The following SNTG1 variants were observed in gnomAD, a reference collection of about 807,000 sequenced individuals.
SNTG1 encodes syntrophin gamma 1.
In SNTG1, 39 loss-of-function variants were observed where a neutral mutation model predicts 74.7. That is an observed-to-expected ratio of 0.52 (90% confidence interval 0.40 to 0.68). The LOEUF is 0.68. Among genes scored for constraint, SNTG1 ranks in the 30% least tolerant of loss-of-function variants. The pLI, the probability that SNTG1 is intolerant of heterozygous loss-of-function variation, is 0.00. For missense variants in SNTG1, 685 were observed against 609.5 expected (o/e 1.12, Z -1.30); for synonymous variants, 254 against 217.1 (o/e 1.17, Z -1.49).
intron 2 of SNTG1, among the ~76,000 whole-genome samples, chr8:50,284,163 G>A (rs906678144): frequency 6.6e-6 from 1 of 151,812 alleles, no homozygotes; most frequent in African/African-American, 2.4e-5. Context: ...TGCTTTTATT[G>A]TTTTATTAGA....
At chr8:50,400,233 A>C (rs2092784952) in intron 3 of SNTG1, among the ~76,000 whole-genome samples, 1 of 152,236 alleles carries the variant, frequency 6.6e-6, no homozygotes, top group African/African-American at 2.4e-5. Flanking sequence ...CTAAGGATAG[A>C]TTTCACATGT....
At chr8:50,432,579 A>T (rs769021620) in intron 4 of SNTG1, among the ~76,000 whole-genome samples, 1 of 152,122 alleles carries the variant, frequency 6.6e-6, no homozygotes, top group Non-Finnish European at 1.5e-5. Context: ...TTGGAATTGC[A>T]TAGATTTTAA....
At chr8:50,554,225 C>T (rs368618468) in intron 12 of SNTG1, among the ~76,000 whole-genome samples, 4 of 152,146 alleles carry the variant, frequency 2.6e-5, no homozygotes, top group Admixed American at 6.5e-5. Flanking sequence ...TTTCAAACAA[C>T]GCCATCATAA....
intron 13 of SNTG1, among the ~76,000 whole-genome samples, chr8:50,629,210 A>G (rs941854119): frequency 2.0e-5 from 3 of 152,102 alleles, no homozygotes; most frequent in African/African-American, 7.2e-5. Flanking sequence ...TCTTTGTTTC[A>G]TTATTCTACA....
At chr8:50,600,983 C>A (rs1432828818) in intron 13 of SNTG1, among the ~76,000 whole-genome samples, 4 of 151,312 alleles carry the variant, frequency 2.6e-5, no homozygotes, top group Non-Finnish European at 5.9e-5. Context: ...TCCTGGCCAA[C>A]ATGGTGAAAC....
chr8:50,399,727 C>A (rs1305087722), intron 3 of SNTG1, among the ~76,000 whole-genome samples: 1 of 152,084 alleles, frequency 6.6e-6, no homozygotes, highest in African/African-American at 2.4e-5. Context: ...GTCGGCCCCT[C>A]TCCAATATCC....
chr8:49,981,983 T>TA (rs35783241), intron 1 of SNTG1, among the ~76,000 whole-genome samples: 15 of 152,002 alleles, frequency 9.9e-5, no homozygotes, highest in Non-Finnish European at 1.9e-4. Flanking sequence ...AGGTCCTTCT[T>TA]AAAAAAATAA....
At chr8:49,933,441 G>A (rs998330476) in intron 1 of SNTG1, among the ~76,000 whole-genome samples, 7 of 152,086 alleles carry the variant, frequency 4.6e-5, no homozygotes, top group Non-Finnish European at 7.4e-5. Context: ...TTTCTTCTGA[G>A]AATTTAACAG....
chr8:49,916,075 T>G (rs1371391793), intron 1 of SNTG1, among the ~76,000 whole-genome samples: 1 of 152,180 alleles, frequency 6.6e-6, no homozygotes, highest in African/African-American at 2.4e-5. Context: ...TAAGTCAATG[T>G]TTGGTGTTAC....
intron 6 of SNTG1, among the ~76,000 whole-genome samples, chr8:50,450,013 T>G (rs1188634461): frequency 6.6e-6 from 1 of 152,146 alleles, no homozygotes; most frequent in African/African-American, 2.4e-5. Context: ...CCAACAAAGA[T>G]ACAAAACTAA....
At chr8:50,298,399 T>A (rs1379191516) in intron 2 of SNTG1, among the ~76,000 whole-genome samples, 1 of 152,108 alleles carries the variant, frequency 6.6e-6, no homozygotes, top group Non-Finnish European at 1.5e-5. Context: ...AGATGCACTC[T>A]CAAGAAGAGT....
intron 1 of SNTG1, among the ~76,000 whole-genome samples, chr8:50,032,491 G>A (rs1302690085): frequency 6.6e-6 from 1 of 151,950 alleles, no homozygotes; most frequent in African/African-American, 2.4e-5. Flanking sequence ...TGCTTTTTTT[G>A]TGGTTCTTTG....
At chr8:50,570,779 A>G (rs1025134383) in intron 12 of SNTG1, among the ~76,000 whole-genome samples, 4 of 150,684 alleles carry the variant, frequency 2.7e-5, no homozygotes, top group South Asian at 4.2e-4. Flanking sequence ...GAATTTTTGT[A>G]TTTTTTAGTA....
Position 50,189,404 on chromosome 8 carries a change from G to C in SNTG1, c.-28+16769G>C, listed in dbSNP as rs2083489311. On this transcript the variant is annotated intron_variant, in intron 2 of 18. Transcript: ENST00000642720. Reference sequence around the variant, plus strand: ...GCCCTAACCCCAGAGTTTCTGATTCGGTAGATGTGGGAAGGAGCCTAGGAA... The same window carrying C: ...GCCCTAACCCCAGAGTTTCTGATTCCGTAGATGTGGGAAGGAGCCTAGGAA... Among the ~76,000 whole-genome samples the C allele has an allele frequency of 3.3e-5, 5 of 152,110 alleles. No homozygotes were observed. In the South Asian group the frequency reaches 6.2e-4, roughly 19 times the overall value.
At chr8:50,064,608 G>A (rs1820752619) in intron 1 of SNTG1, among the ~76,000 whole-genome samples, 1 of 152,164 alleles carries the variant, frequency 6.6e-6, no homozygotes, top group Admixed American at 6.5e-5. Context: ...GGCCTGTGTG[G>A]TCATCCACAA....
intron 2 of SNTG1, among the ~76,000 whole-genome samples, chr8:50,277,901 C>T (rs1171251071): frequency 3.3e-5 from 5 of 152,118 alleles, no homozygotes; most frequent in African/African-American, 7.2e-5. Context: ...AGGAAGAGCA[C>T]GCTGGCTCAC....
At chr8:50,398,571 C>T (rs1432248540) in intron 3 of SNTG1, among the ~76,000 whole-genome samples, 2 of 152,202 alleles carry the variant, frequency 1.3e-5, no homozygotes, top group Non-Finnish European at 2.9e-5. Context: ...ATATTAAATT[C>T]CCTTCCCCAT....
At chr8:50,496,048 A>T (rs902908200) in intron 8 of SNTG1, among the ~76,000 whole-genome samples, 2 of 152,228 alleles carry the variant, frequency 1.3e-5, no homozygotes, top group Admixed American at 6.5e-5. Context: ...AGTGAACAGT[A>T]AAGTGTGTTA....
At chr8:50,006,064 G>A (rs914942069) in intron 1 of SNTG1, among the ~76,000 whole-genome samples, 16 of 144,358 alleles carry the variant, frequency 1.1e-4, no homozygotes, top group Non-Finnish European at 2.2e-4. Context: ...CTGGGTTCAA[G>A]CGATTCTCCT....
Sources: gnomAD v4.1 joint callset for allele counts (sites outside exome capture counted in the v4.1 genomes callset) on GRCh38, gnomAD v4.1.1 for gene constraint, MANE v1.5 for transcripts, NCBI Gene and HGNC (gene_info 2026-07-23, HGNC 2026-07-21) for gene names.